PCDHA7: variants seen among roughly 807,000 people sequenced by gnomAD.
PCDHA7 encodes the protein protocadherin alpha-7.
PCDHA7 carries 37 observed loss-of-function variants against 57.2 expected under a neutral mutation model. The observed-to-expected ratio is 0.65, with a 90% CI of 0.50 to 0.85. The LOEUF (loss-of-function observed/expected upper bound fraction) is 0.85, where lower values mean the gene tolerates loss of function less well. Among genes scored for constraint, PCDHA7 ranks in the 40% least tolerant of loss-of-function variants. PCDHA7 has a pLI of 0.00. For missense variants in PCDHA7, 1,188 were observed against 1,241.8 expected, an observed-to-expected ratio of 0.96 and a Z score of 0.65; for synonymous variants, 553 against 558.8, an observed-to-expected ratio of 0.99 and a Z score of 0.15.
chr5:140,875,410 ATACC>A (rs1259407256), intron 1 of PCDHA7: 2 of 1,502,000 alleles, frequency 1.3e-6, no homozygotes, highest in Non-Finnish European at 1.8e-6. Context: ...TGCTCATAAA[ATACC>A]TCAGGCAAGC....
chr5:140,990,984 A>G (rs1213067851), intron 3 of PCDHA7, among the ~76,000 whole-genome samples: 4 of 152,200 alleles, frequency 2.6e-5, no homozygotes, highest in Admixed American at 6.5e-5. Context: ...AAGGAAGACA[A>G]TAGCTACCAT....
At chr5:140,968,808 TGGATAGGG>T (rs782488281) in intron 1 of PCDHA7, 2 of 1,614,204 alleles carry the variant, frequency 1.2e-6, no homozygotes, top group Non-Finnish European at 1.7e-6. Context: ...GTAGCTGTGG[TGGATAGGG>T]TTTCCAAAAT....
intron 1 of PCDHA7, chr5:140,876,998 C>T: frequency 6.2e-7 from 1 of 1,612,502 alleles, no homozygotes; most frequent in South Asian, 1.1e-5. Flanking sequence ...AGCTACGTGT[C>T]GGTGCACGCG....
Position 140,982,486 on chromosome 5 carries a change from T to C in PCDHA7, c.2426T>C (p.Leu809Pro). ...LRAGMHSSVH[L>P]EEAGILRAGP... Reference sequence around the variant, plus strand: ...GTGTGTTTATTCAGCTCTGTGCACCTAGAGGAGGCTGGCATTCTACGGGCT... The same window carrying C: ...GTGTGTTTATTCAGCTCTGTGCACCCAGAGGAGGCTGGCATTCTACGGGCT... Residue 809 changes from leucine to proline, a missense_variant, in exon 3 of 4, where the codon CTA (leucine) becomes CCA (proline). Physicochemically the swap from Leu to Pro is moderately conservative, Grantham distance 98. This residue lies in a region of PCDHA7 where 892 missense variants were observed against 788.5 expected (regional missense o/e 1.13). Coordinates refer to ENST00000525929, the MANE Select transcript of PCDHA7 (RefSeq NM_018910.3). The C allele has an allele frequency of 6.2e-7, 1 of 1,614,180 alleles. No individual in the cohort carries two copies. Among genetic ancestry groups the C allele is most frequent in the South Asian group, 1.1e-5 (1 of 91,086 alleles).
intron 3 of PCDHA7, among the ~76,000 whole-genome samples, chr5:140,996,686 T>G (rs1447702915): frequency 2.6e-5 from 4 of 152,214 alleles, no homozygotes; most frequent in Non-Finnish European, 5.9e-5. Flanking sequence ...TGGGCTAGTA[T>G]TCTTCTGAAC....
chr5:140,841,884 A>G, intron 1 of PCDHA7: 1 of 1,613,846 alleles, frequency 6.2e-7, no homozygotes, highest in Non-Finnish European at 8.5e-7. Flanking sequence ...AAGAACGATG[A>G]GAATAAACTG....
In PCDHA7 at chr5:140,836,523, AC is replaced by A; in HGVS notation, c.2143del (p.Leu715CysfsTer21). On this transcript the variant is annotated frameshift_variant, in exon 1 of 4. Transcript: ENST00000525929. LOFTEE classifies it high-confidence loss of function. ...ICAVSSLLVL[T>X]LLLYTALRCS... ...CGCGGTGTCCAGTCTGTTGGTGCTT[AC>A]CCTGCTGCTGTACACGGCGTTGCGG... 1.1e-5 allele frequency: 18 copies of A among 1,613,762 alleles called. No individual in the cohort carries two copies. The highest frequency in any genetic ancestry group is 1.4e-5 in the Non-Finnish European group (17 of 1,179,852).
At chr5:140,867,122 T>C (rs2049769007) in intron 1 of PCDHA7, 1 of 152,160 alleles carries the variant, frequency 6.6e-6, no homozygotes. Context: ...TTGTTTTAAT[T>C]CAAATATGTG....
chr5:141,011,662 G>C lies in PCDHA7; in HGVS notation c.*1725G>C, dbSNP rs1166635893. On this transcript the variant is annotated 3_prime_UTR_variant, in exon 4 of 4. Coordinates refer to ENST00000525929, the MANE Select transcript of PCDHA7 (RefSeq NM_018910.3). The stretch of plus-strand genomic sequence containing the variant: ...CAAGACTTCTGCTGGCAAGGGAATG[G>C]ATAAAGCTGTTTTGTTCTAGTAACA... 2.0e-5 allele frequency: 3 copies of C among 153,688 alleles called. No homozygotes were observed. Among genetic ancestry groups the C allele is most frequent in the African/African-American group, 7.2e-5 (3 of 41,414 alleles). The allele number at this position is 153,688 out of a possible 1,614,324, so 9.5% of individuals were successfully genotyped here.
chr5:140,841,831 C>A, intron 1 of PCDHA7: 1 of 1,613,930 alleles, frequency 6.2e-7, no homozygotes, highest in Non-Finnish European at 8.5e-7. Context: ...TGTTAACCTA[C>A]AGGCTTAGCT....
chr5:140,890,434 T>C (rs1368664447), intron 1 of PCDHA7, among the ~76,000 whole-genome samples: 2 of 152,226 alleles, frequency 1.3e-5, no homozygotes, highest in Non-Finnish European at 2.9e-5. Flanking sequence ...ATATTTACAA[T>C]ACCTAGTGAT....
At chr5:140,920,249 G>A (rs782292641) in intron 1 of PCDHA7, among the ~76,000 whole-genome samples, 15 of 152,174 alleles carry the variant, frequency 9.9e-5, no homozygotes, top group Admixed American at 3.3e-4. Context: ...ACAATACATC[G>A]CTATAATAAT....
intron 1 of PCDHA7, among the ~76,000 whole-genome samples, chr5:140,950,257 G>A (rs1255968081): frequency 6.6e-6 from 1 of 151,952 alleles, no homozygotes; most frequent in Non-Finnish European, 1.5e-5. Context: ...AAAGAGCTGA[G>A]TTTATCCATA....
intron 1 of PCDHA7, chr5:140,881,502 A>G: frequency 1.2e-5 from 3 of 249,864 alleles, no homozygotes; most frequent in Non-Finnish European, 1.9e-5. Context: ...ACATACACAC[A>G]CTCACATACA....
chr5:140,869,879 C>A (rs781975601), intron 1 of PCDHA7: 2 of 1,610,194 alleles, frequency 1.2e-6, no homozygotes, highest in Non-Finnish European at 1.7e-6. Flanking sequence ...GCTAAAGAAA[C>A]TCTTGTGCTC....
chr5:140,881,655 C>T (rs1336529643), intron 1 of PCDHA7, among the ~76,000 whole-genome samples: 1 of 152,120 alleles, frequency 6.6e-6, no homozygotes, highest in Non-Finnish European at 1.5e-5. Flanking sequence ...TCACCTTCAC[C>T]GATTTTATTC....
At position 140,903,272 on chromosome 5, in the gene PCDHA7, G is replaced by A. The variant is rs907509606; in HGVS notation, c.2355+66534G>A. Among the ~76,000 whole-genome samples the A allele has an allele frequency of 2.6e-5, 4 of 152,138 alleles. No individual in the cohort carries two copies. The East Asian group carries it at 5.8e-4, about 22-fold the overall frequency. ...TAGTAATTCTTGCAGGAGTGAGGTA[G>A]TGTCTCATTGTGCATTAGGAAATTT... On this transcript the variant is annotated intron_variant, in intron 1 of 3. Transcript: ENST00000525929.
intron 1 of PCDHA7, 75 bp downstream of exon 1, chr5:140,836,813 T>A (rs984631065): frequency 8.2e-7 from 1 of 1,217,894 alleles, no homozygotes; most frequent in African/African-American, 1.5e-5. Flanking sequence ...TTTTCTTTCA[T>A]AATTTCTTTT....
At chr5:140,941,409 C>G (rs1284702446) in intron 1 of PCDHA7, among the ~76,000 whole-genome samples, 1 of 149,924 alleles carries the variant, frequency 6.7e-6, no homozygotes, top group Non-Finnish European at 1.5e-5. Flanking sequence ...CTCCGCCTCC[C>G]GGGTTCAAGC....
Sources: allele counts gnomAD v4.1 joint callset (sites outside exome capture counted in the v4.1 genomes callset), GRCh38; gene constraint gnomAD v4.1.1; regional missense constraint gnomAD v4.1.1; transcripts MANE v1.5; gene names NCBI Gene and HGNC (gene_info 2026-07-23, HGNC 2026-07-21).